The following CNTNAP2 variants were observed in gnomAD, a reference collection of about 807,000 sequenced individuals.
The protein encoded by CNTNAP2 is contactin associated protein 2.
Under a neutral mutation model 155.2 loss-of-function variants are expected in CNTNAP2, and 98 were observed. The ratio of observed to expected loss-of-function variants is 0.63; its 90% CI spans 0.54 to 0.75. CNTNAP2 has a LOEUF of 0.75. Among genes scored for constraint, CNTNAP2 ranks in the 30% least tolerant of loss-of-function variants. CNTNAP2 has a pLI of 0.00. For synonymous variants in CNTNAP2, 651 were observed against 631.2 expected, an observed-to-expected ratio of 1.03 and a Z score of -0.47; for missense variants, 1,727 against 1,688.1, an observed-to-expected ratio of 1.02 and a Z score of -0.40.
At chr7:146,160,190 G>A (rs575454383) in intron 1 of CNTNAP2, among the ~76,000 whole-genome samples, 2 of 152,298 alleles carry the variant, frequency 1.3e-5, no homozygotes, top group African/African-American at 2.4e-5. Flanking sequence ...CACATTTAAA[G>A]CAGTGTGTGC....
At chr7:146,744,014 G>T (rs1801765812) in intron 1 of CNTNAP2, among the ~76,000 whole-genome samples, 1 of 152,002 alleles carries the variant, frequency 6.6e-6, no homozygotes, top group Non-Finnish European at 1.5e-5. Context: ...ATCACTTGAG[G>T]TAAGGAGTTT....
intron 8 of CNTNAP2, among the ~76,000 whole-genome samples, chr7:147,271,852 T>C (rs1461944063): frequency 2.0e-5 from 3 of 152,142 alleles, no homozygotes; most frequent in African/African-American, 4.8e-5. Flanking sequence ...CCAAATGATA[T>C]CACTCTGCTT....
At chr7:146,321,234 T>G (rs2129092482) in intron 1 of CNTNAP2, among the ~76,000 whole-genome samples, 1 of 152,320 alleles carries the variant, frequency 6.6e-6, no homozygotes, top group East Asian at 1.9e-4. Context: ...TATCAAGTAC[T>G]TAAATGGGGC....
At chr7:146,616,865 A>G (rs932432665) in intron 1 of CNTNAP2, among the ~76,000 whole-genome samples, 2 of 152,230 alleles carry the variant, frequency 1.3e-5, no homozygotes, top group Admixed American at 1.3e-4. Context: ...ATAATGAAAC[A>G]TGCATTGATG....
intron 8 of CNTNAP2, among the ~76,000 whole-genome samples, chr7:147,136,412 G>T (rs549423889): frequency 1.3e-5 from 2 of 152,040 alleles, no homozygotes; most frequent in South Asian, 4.1e-4. Flanking sequence ...AATCAGAAAA[G>T]ATTTTCTCAT....
At chr7:146,338,245 G>A (rs1801313528) in intron 1 of CNTNAP2, among the ~76,000 whole-genome samples, 1 of 151,984 alleles carries the variant, frequency 6.6e-6, no homozygotes, top group African/African-American at 2.4e-5. Flanking sequence ...TAAAATGCTG[G>A]CATTTTCTGT....
chr7:147,850,007 T>A (rs950740654), intron 13 of CNTNAP2: 1 of 152,188 alleles, frequency 6.6e-6, no homozygotes, highest in Non-Finnish European at 1.5e-5. Context: ...ATAGGCTGCT[T>A]CAGCCTTCAA....
chr7:147,987,877 T>A (rs569543738), intron 15 of CNTNAP2, among the ~76,000 whole-genome samples: 1 of 152,102 alleles, frequency 6.6e-6, no homozygotes, highest in South Asian at 2.1e-4. Context: ...TTATTTTTAG[T>A]AGAGACAGGG....
chr7:146,693,770 C>A (rs1271242231), intron 1 of CNTNAP2, among the ~76,000 whole-genome samples: 1 of 152,014 alleles, frequency 6.6e-6, no homozygotes, highest in African/African-American at 2.4e-5. Context: ...ACAGGATGTG[C>A]AGGTTTGTTG....
Position 146,887,137 on chromosome 7 carries a change from A to G in CNTNAP2, c.402+47233A>G, listed in dbSNP as rs555415929. On this transcript the variant is annotated intron_variant, in intron 3 of 23. Coordinates refer to ENST00000361727, the MANE Select transcript of CNTNAP2 (RefSeq NM_014141.6). ...CTATCTCAGATATCTAGATATCTAC[A>G]TAGTTTTTTTGTTTGTTTGTTTGTT... is the stretch of plus-strand genomic sequence containing the variant. Among the ~76,000 whole-genome samples the G allele has an allele frequency of 5.3e-5, 8 of 151,762 alleles. No homozygotes were observed. The East Asian group carries it at 1.6e-3, about 30-fold the overall frequency.
At chr7:146,410,427 G>A (rs1795849459) in intron 1 of CNTNAP2, among the ~76,000 whole-genome samples, 1 of 152,074 alleles carries the variant, frequency 6.6e-6, no homozygotes, top group Non-Finnish European at 1.5e-5. Context: ...TAAGCAAACA[G>A]CAGTAATCAC....
chr7:147,646,456 C>A (rs1031901332), intron 13 of CNTNAP2, among the ~76,000 whole-genome samples: 1 of 152,178 alleles, frequency 6.6e-6, no homozygotes, highest in Non-Finnish European at 1.5e-5. Context: ...TTTTCTTAAA[C>A]ATACTCTACA....
At position 147,861,828 on chromosome 7, in the gene CNTNAP2, C is replaced by A. The variant is rs116614453; in HGVS notation, c.2099-41737C>A. 8.4e-3 allele frequency among the ~76,000 whole-genome samples: 1,280 copies of A among 151,822 alleles called. 25 individuals are homozygous for A. Among genetic ancestry groups the A allele is most frequent in the African/African-American group, 0.03 (1,225 of 41,376 alleles). ...GTCAGGAGTTCGAGAGCAGCCTGGG[C>A]AACATGGTAAAACCCCATGTCTAAT... On this transcript the variant is annotated intron_variant, in intron 13 of 23. Coordinates refer to ENST00000361727, the MANE Select transcript of CNTNAP2 (RefSeq NM_014141.6).
chr7:146,451,823 C>T (rs1189217075), intron 1 of CNTNAP2, among the ~76,000 whole-genome samples: 5 of 65,272 alleles, frequency 7.7e-5, no homozygotes, highest in African/African-American at 4.0e-4. Context: ...TATATATATA[C>T]GTATATATAT....
chr7:146,407,950 T>C (rs1795815907), intron 1 of CNTNAP2, among the ~76,000 whole-genome samples: 2 of 152,216 alleles, frequency 1.3e-5, no homozygotes. Context: ...TTTTAGCTTA[T>C]GTTATTGTAA....
At chr7:146,483,282 A>AAAAC in intron 1 of CNTNAP2, among the ~76,000 whole-genome samples, 1 of 39,870 alleles carries the variant, frequency 2.5e-5, no homozygotes, top group Non-Finnish European at 5.0e-5. Flanking sequence ...TCTAAAAAAA[A>AAAAC]ATATATATAT....
At chr7:146,456,580 G>A (rs1796558309) in intron 1 of CNTNAP2, among the ~76,000 whole-genome samples, 1 of 152,102 alleles carries the variant, frequency 6.6e-6, no homozygotes, top group Non-Finnish European at 1.5e-5. Context: ...CTCAAAATCT[G>A]AGATTCTAGG....
chr7:148,184,468 A>G (rs17170874), intron 18 of CNTNAP2, among the ~76,000 whole-genome samples: 2,002 of 152,322 alleles, frequency 0.013, 38 homozygotes, highest in African/African-American at 0.045. Context: ...TACCTGTGCC[A>G]GTAGCCAATC....
chr7:148,068,596 T>C (rs1803315023), intron 15 of CNTNAP2, among the ~76,000 whole-genome samples: 1 of 152,324 alleles, frequency 6.6e-6, no homozygotes. Context: ...AATTAACTTA[T>C]TGAAAACAGT....
Sources: gnomAD v4.1 joint callset for allele counts (sites outside exome capture counted in the v4.1 genomes callset) on GRCh38, gnomAD v4.1.1 for gene constraint, MANE v1.5 for transcripts, NCBI Gene and HGNC (gene_info 2026-07-23, HGNC 2026-07-21) for gene names.